Variants in TSTD2 observed in about 807,000 individuals in gnomAD.
The protein encoded by TSTD2 is thiosulfate sulfurtransferase like domain containing 2, also known as thiosulfate sulfurtransferase/rhodanese-like domain-containing protein 2.
Under a neutral mutation model 47.9 loss-of-function variants are expected in TSTD2, and 37 were observed. That is an observed-to-expected ratio of 0.77 (90% CI 0.59 to 1.02). TSTD2 has a LOEUF of 1.02. Ranked by LOEUF, TSTD2 falls within the 50% of genes least tolerant of loss-of-function variation. The pLI is 0.00. For synonymous variants in TSTD2, 201 were observed against 215.9 expected, an observed-to-expected ratio of 0.93 and a Z score of 0.61; for missense variants, 586 against 616.0, an observed-to-expected ratio of 0.95 and a Z score of 0.52.
Position 97,605,637 on chromosome 9 carries a change from C to G in TSTD2, c.959G>C (p.Arg320Pro). Reference sequence around the variant, plus strand: ...GTCTGGGGCTAAGCAGCCTTGGAATCGTCCCTGTAACATAGGAGCAACAAA... The same window carrying G: ...GTCTGGGGCTAAGCAGCCTTGGAATGGTCCCTGTAACATAGGAGCAACAAA... Reference protein sequence around the residue: ...CRNFYESKIGRFQGCLAPDIR... With the variant: ...CRNFYESKIGPFQGCLAPDIR... The change falls in exon 8 of 10, where the codon CGA becomes CCA. Residue 320 changes from arginine (R) to proline (P), a missense_variant. Arg to Pro is a moderately radical substitution (Grantham distance 103). Coordinates refer to ENST00000341170, the MANE Select transcript of TSTD2 (RefSeq NM_139246.5). 13 of 1,614,208 alleles carry G rather than the reference C, an allele frequency of 8.1e-6. No homozygotes were observed. The highest frequency in any genetic ancestry group is 1.1e-5 in the South Asian group (1 of 91,082).
chr9:97,615,837 G>C (rs1015191662), intron 4 of TSTD2, among the ~76,000 whole-genome samples: 1 of 152,056 alleles, frequency 6.6e-6, no homozygotes, highest in Non-Finnish European at 1.5e-5. Flanking sequence ...TTCTGAATAG[G>C]AATGGTGATG....
In TSTD2 at chr9:97,605,550, T is replaced by C. The variant is rs1175170837; in HGVS notation, c.1046A>G (p.Lys349Arg). 1 of 1,614,076 alleles carries C rather than the reference T, an allele frequency of 6.2e-7. No individual in the cohort carries two copies. Among genetic ancestry groups the C allele is most frequent in the East Asian group, 2.2e-5 (1 of 44,888 alleles). The stretch of plus-strand genomic sequence containing the variant: ...CCCGGTACAGTACATCAGCACTCTC[T>C]TCTCTCTGAAAAGTTCTAGATTTTT... ...VDKNLELFRE[K>R]RVLMYCTGGI... Residue 349 changes from lysine to arginine, a missense_variant, in exon 8 of 10, where the codon AAG (lysine) becomes AGG (arginine). By Grantham distance (26) the Lys-to-Arg change is conservative. Coordinates refer to ENST00000341170, the MANE Select transcript of TSTD2 (RefSeq NM_139246.5).
Position 97,601,153 on chromosome 9 carries a change from A to G in TSTD2, c.*1316T>C, listed in dbSNP as rs537250805. 3 of 1,302,778 alleles carry G rather than the reference A, an allele frequency of 2.3e-6. No individual in the cohort carries two copies. The Admixed American group carries it at 7.0e-5, about 30-fold the overall frequency. The allele number at this position is 1,302,778 out of a possible 1,614,324, so 80.7% of individuals were successfully genotyped here. ...TGGCCCAGGAGTGGCACCATGTTGC[A>G]GGGACAACCATCCCCATTTGGCTTC... On this transcript the variant is annotated 3_prime_UTR_variant, in exon 10 of 10. Coordinates refer to ENST00000341170, the MANE Select transcript of TSTD2 (RefSeq NM_139246.5).
rs143893955 is a variant in TSTD2, at chr9:97,601,508, G to A, written c.*961C>T. 2.4e-4 allele frequency: 239 copies of A among 989,156 alleles called. 3 individuals carry two copies. The South Asian group carries it at 8.2e-3, about 34-fold the overall frequency. 61.3% of individuals were successfully genotyped at this position (989,156 alleles called of 1,614,324 possible). ...ATCAGAGGAAATCTCTCATAGAAAC[G>A]AAACCAAACCAACAGAAAATGAAGA... On this transcript the variant is annotated 3_prime_UTR_variant, in exon 10 of 10. Transcript: ENST00000341170.
At chr9:97,629,352 T>C (rs1185982621) in intron 1 of TSTD2, among the ~76,000 whole-genome samples, 1 of 152,220 alleles carries the variant, frequency 6.6e-6, no homozygotes, top group Non-Finnish European at 1.5e-5. Flanking sequence ...ACCAACTTTC[T>C]TATAAAGGAC....
intron 1 of TSTD2, among the ~76,000 whole-genome samples, chr9:97,632,489 G>A (rs1826843421): frequency 2.7e-5 from 4 of 150,152 alleles, no homozygotes; most frequent in Admixed American, 2.7e-4. Flanking sequence ...CTCCCACCTC[G>A]GCCCCCAACC....
intron 4 of TSTD2, among the ~76,000 whole-genome samples, chr9:97,612,015 A>ACC (rs1238177902): frequency 2.0e-5 from 3 of 151,502 alleles, no homozygotes; most frequent in African/African-American, 4.9e-5. Context: ...CCCTCCTTCC[A>ACC]CCCTCCACCC....
At chr9:97,615,791 A>G (rs899849963) in intron 4 of TSTD2, among the ~76,000 whole-genome samples, 3 of 152,240 alleles carry the variant, frequency 2.0e-5, no homozygotes, top group Non-Finnish European at 4.4e-5. Flanking sequence ...ATTCAGGTTT[A>G]CTGTGAGAGT....
At chr9:97,611,301 C>A (rs376101730) in intron 5 of TSTD2, among the ~76,000 whole-genome samples, 1 of 151,996 alleles carries the variant, frequency 6.6e-6, no homozygotes, top group African/African-American at 2.4e-5. Flanking sequence ...TGGTGATGCA[C>A]GCCTATGGTC....
At chr9:97,632,258 A>G (rs1341872266) in intron 1 of TSTD2, among the ~76,000 whole-genome samples, 1 of 152,252 alleles carries the variant, frequency 6.6e-6, no homozygotes, top group Non-Finnish European at 1.5e-5. Flanking sequence ...AAATAGTATA[A>G]GTTCCTAAAA....
chr9:97,604,501 A>G, intron 9 of TSTD2: 1 of 540,164 alleles, frequency 1.9e-6, no homozygotes, highest in Non-Finnish European at 3.2e-6. Context: ...GGGCTTGTCC[A>G]GCTAGCAATG....
At chr9:97,618,266 A>C (rs1315198223) in intron 3 of TSTD2, among the ~76,000 whole-genome samples, 8 of 152,164 alleles carry the variant, frequency 5.3e-5, no homozygotes, top group Non-Finnish European at 1.2e-4. Context: ...TTATTCTTAT[A>C]ACCCTCTTTC....
chr9:97,609,022 C>T (rs1449866062), intron 6 of TSTD2, among the ~76,000 whole-genome samples: 1 of 145,676 alleles, frequency 6.9e-6, no homozygotes, highest in African/African-American at 2.8e-5. Flanking sequence ...CTGATCAAGT[C>T]TCTAGTCCTG....
chr9:97,619,539 C>G (rs945317036), intron 3 of TSTD2, among the ~76,000 whole-genome samples: 1 of 151,692 alleles, frequency 6.6e-6, no homozygotes, highest in Non-Finnish European at 1.5e-5. Context: ...CAGGGTCTTA[C>G]TATGTTGCCC....
chr9:97,602,829 T>C (rs771308560), intron 9 of TSTD2, 62 bp from the exon 10 acceptor site: 101 of 1,479,320 alleles, frequency 6.8e-5, no homozygotes, highest in Non-Finnish European at 8.6e-5. Flanking sequence ...TGGACAGGCA[T>C]TGCTCCCTTT....
intron 1 of TSTD2, among the ~76,000 whole-genome samples, chr9:97,632,756 A>G (rs1826853152): frequency 6.6e-6 from 1 of 152,242 alleles, no homozygotes; most frequent in South Asian, 2.1e-4. Flanking sequence ...CAGAGCAGGC[A>G]GGGTTTACAG....
Position 97,629,786 on chromosome 9 carries a change from G to A in TSTD2, c.-50-2174C>T, listed in dbSNP as rs1380290518. On this transcript the variant is annotated intron_variant, in intron 1 of 9. Coordinates refer to ENST00000341170, the MANE Select transcript of TSTD2 (RefSeq NM_139246.5). ...TAAAATTCATTCAACAAATATTTAT[G>A]GAGGGTCTTCTAGGTTCCAGGCATT... Among the ~76,000 whole-genome samples, 8 of 152,108 alleles carry A rather than the reference G, an allele frequency of 5.3e-5. No homozygotes were observed. The East Asian group carries it at 9.6e-4, about 18-fold the overall frequency.
At chr9:97,627,689 CA>C (rs1564011192) in intron 1 of TSTD2, 77 bp from the exon 2 acceptor site, 4 of 978,948 alleles carry the variant, frequency 4.1e-6, no homozygotes, top group South Asian at 1.8e-5. Flanking sequence ...ATCAATCACG[CA>C]AATCAGCATG....
chr9:97,608,003 G>A (rs993899635), intron 6 of TSTD2, among the ~76,000 whole-genome samples: 3 of 152,072 alleles, frequency 2.0e-5, no homozygotes, highest in African/African-American at 4.8e-5. Context: ...TCAACATGGC[G>A]AAACCCCGTC....
Sources: allele counts gnomAD v4.1 joint callset (sites outside exome capture counted in the v4.1 genomes callset), GRCh38; gene constraint gnomAD v4.1.1; transcripts MANE v1.5; gene names NCBI Gene and HGNC (gene_info 2026-07-23, HGNC 2026-07-21).